The following DTL variants were observed in gnomAD, a reference collection of about 807,000 sequenced individuals.
DTL encodes denticleless E3 ubiquitin protein ligase adapter, also known as denticleless protein homolog.
In DTL, 46 loss-of-function variants were observed where a neutral mutation model predicts 87.0. That is an observed-to-expected ratio of 0.53 (90% CI 0.42 to 0.68). DTL has a LOEUF of 0.68. DTL is among the 30% of genes least tolerant of loss of function. The pLI is 0.00. For synonymous variants in DTL, 308 were observed against 311.2 expected, an observed-to-expected ratio of 0.99 and a Z score of 0.11; for missense variants, 737 against 869.4, an observed-to-expected ratio of 0.85 and a Z score of 1.91.
chr1:212,067,593 CTG>C (rs1558080638), intron 8 of DTL, among the ~76,000 whole-genome samples: 1 of 152,178 alleles, frequency 6.6e-6, no homozygotes, highest in African/African-American at 2.4e-5. Context: ...CTAAAACCCT[CTG>C]AACCAAATTC....
chr1:212,088,309 G>A (rs1393161157), intron 13 of DTL, among the ~76,000 whole-genome samples: 1 of 152,162 alleles, frequency 6.6e-6, no homozygotes, highest in Non-Finnish European at 1.5e-5. Context: ...CTGATCCCTA[G>A]AACCTCACCT....
chr1:212,054,606 C>A (rs1357994364), intron 5 of DTL, among the ~76,000 whole-genome samples: 1 of 151,598 alleles, frequency 6.6e-6, no homozygotes, highest in Non-Finnish European at 1.5e-5. Flanking sequence ...CCAGCCTGGC[C>A]AAGATGGTGA....
At chr1:212,078,849 A>G (rs1347719544) in intron 12 of DTL, among the ~76,000 whole-genome samples, 1 of 152,208 alleles carries the variant, frequency 6.6e-6, no homozygotes. Flanking sequence ...GGCCAGAAAC[A>G]TTAAAAACTA....
At chr1:212,086,757 A>G (rs1485589136) in intron 13 of DTL, among the ~76,000 whole-genome samples, 1 of 152,184 alleles carries the variant, frequency 6.6e-6, no homozygotes. Flanking sequence ...ATGTTCCATA[A>G]TTTACCTAGC....
intron 1 of DTL, among the ~76,000 whole-genome samples, chr1:212,037,747 C>T (rs887102997): frequency 6.6e-6 from 1 of 152,046 alleles, no homozygotes; most frequent in Non-Finnish European, 1.5e-5. Flanking sequence ...AGCGAGTGAC[C>T]TCGGTCATAG....
At chr1:212,091,982 A>C (rs1655297693) in intron 13 of DTL, among the ~76,000 whole-genome samples, 1 of 152,232 alleles carries the variant, frequency 6.6e-6, no homozygotes, top group South Asian at 2.1e-4. Context: ...AAAAAATTTC[A>C]ATAGTTTTGG....
At chr1:212,102,820 A>T (rs2102591760) in intron 14 of DTL, 22 bp from the exon 15 acceptor site, 1 of 1,540,120 alleles carries the variant, frequency 6.5e-7, no homozygotes, top group East Asian at 2.3e-5. Flanking sequence ...AAATCTCTGA[A>T]ATCTAAACTT....
intron 13 of DTL, among the ~76,000 whole-genome samples, chr1:212,089,890 G>A (rs553439872): frequency 3.3e-5 from 5 of 152,144 alleles, no homozygotes; most frequent in East Asian, 3.9e-4. Flanking sequence ...CTTGTTAATC[G>A]GCATATTATA....
intron 3 of DTL, among the ~76,000 whole-genome samples, chr1:212,045,924 TTTGTTG>T (rs10636026): frequency 7.3e-5 from 11 of 150,640 alleles, no homozygotes; most frequent in South Asian, 2.1e-4. Context: ...TGTTTTTGGT[TTTGTTG>T]TTGTTGTTGT....
At chr1:212,045,220 G>A (rs1369837045) in intron 3 of DTL, among the ~76,000 whole-genome samples, 1 of 152,020 alleles carries the variant, frequency 6.6e-6, no homozygotes, top group Non-Finnish European at 1.5e-5. Flanking sequence ...ATTTGGGAAG[G>A]GACAAACATC....
chr1:212,058,508 T>C (rs1668246682), intron 5 of DTL, among the ~76,000 whole-genome samples: 1 of 151,968 alleles, frequency 6.6e-6, no homozygotes, highest in East Asian at 1.9e-4. Context: ...AAATGAAAAT[T>C]GAAACCCAAC....
chr1:212,078,035 T>C (rs199507295), intron 11 of DTL, 138 bp from the exon 12 acceptor site: 27 of 474,866 alleles, frequency 5.7e-5, no homozygotes, highest in Admixed American at 1.2e-4. Flanking sequence ...GTTTTTTTTT[T>C]CCTAACTATA....
At chr1:212,064,572 T>TC (rs1350637451) in intron 6 of DTL, among the ~76,000 whole-genome samples, 1 of 152,122 alleles carries the variant, frequency 6.6e-6, no homozygotes, top group African/African-American at 2.4e-5. Context: ...TCTTATTACT[T>TC]CCCCCAGTCA....
intron 5 of DTL, among the ~76,000 whole-genome samples, chr1:212,055,845 G>C (rs1161741156): frequency 6.6e-6 from 1 of 152,162 alleles, no homozygotes; most frequent in Non-Finnish European, 1.5e-5. Context: ...CACTACCCAA[G>C]CACACCCTCT....
chr1:212,087,851 T>TA (rs1362132514), intron 13 of DTL, among the ~76,000 whole-genome samples: 4 of 152,184 alleles, frequency 2.6e-5, no homozygotes, highest in African/African-American at 7.2e-5. Flanking sequence ...CTGCTTATCT[T>TA]CACTTCTGGC....
chr1:212,049,388 A>G (rs953726547), intron 5 of DTL, among the ~76,000 whole-genome samples: 2 of 152,262 alleles, frequency 1.3e-5, no homozygotes, highest in Non-Finnish European at 2.9e-5. Context: ...CTCTTGTGTC[A>G]TAGTTCACTC....
At chr1:212,098,000 C>T (rs1403512224) in intron 13 of DTL, among the ~76,000 whole-genome samples, 1 of 152,080 alleles carries the variant, frequency 6.6e-6, no homozygotes, top group Non-Finnish European at 1.5e-5. Context: ...TCTTCTGGGT[C>T]GAGCCACCCA....
chr1:212,074,597 C>A (rs1459284200), intron 11 of DTL, among the ~76,000 whole-genome samples: 1 of 152,144 alleles, frequency 6.6e-6, no homozygotes, highest in Non-Finnish European at 1.5e-5. Flanking sequence ...GGCAAGCTTG[C>A]ACCTCCTAAA....
intron 13 of DTL, 60 bp from the exon 14 acceptor site, chr1:212,100,192 A>G: frequency 3.7e-6 from 5 of 1,344,492 alleles, no homozygotes; most frequent in Non-Finnish European, 5.1e-6. Flanking sequence ...TCTTGATGAG[A>G]ATTTAGGGAC....
Sources: gnomAD v4.1 joint callset for allele counts (sites outside exome capture counted in the v4.1 genomes callset) on GRCh38, gnomAD v4.1.1 for gene constraint, MANE v1.5 for transcripts, NCBI Gene and HGNC (gene_info 2026-07-23, HGNC 2026-07-21) for gene names.